The following SIRT5 variants were observed in gnomAD, a reference collection of about 807,000 sequenced individuals.
SIRT5 encodes the protein sirtuin 5.
In SIRT5, 26 loss-of-function variants were observed where a neutral mutation model predicts 40.0. The observed-to-expected ratio is 0.65, with a 90% CI of 0.48 to 0.90. SIRT5 has a LOEUF of 0.90. SIRT5 is among the 40% of genes least tolerant of loss of function. The probability of loss-of-function intolerance (pLI) is 0.00; values close to 1 mark genes in which losing one functional copy is unlikely to be tolerated. For synonymous variants in SIRT5, 146 were observed against 149.1 expected, an observed-to-expected ratio of 0.98 and a Z score of 0.15; for missense variants, 401 against 402.4, an observed-to-expected ratio of 1.00 and a Z score of 0.03.
chr6:13,601,978 T>C (rs1762452162), intron 9 of SIRT5, among the ~76,000 whole-genome samples: 1 of 152,206 alleles, frequency 6.6e-6, no homozygotes, highest in South Asian at 2.1e-4. Flanking sequence ...TGATCCATAG[T>C]TCTTCATCTG....
Position 13,611,230 on chromosome 6 carries a change from TATATATACACAC to T in SIRT5, c.858-558_858-547del, listed in dbSNP as rs1487813948. On this transcript the variant is annotated intron_variant, in intron 9 of 9. Coordinates refer to ENST00000606117, the MANE Select transcript of SIRT5 (RefSeq NM_012241.5). ...GTGTATATATATATATATATATATA[TATATATACACAC>T]ACACATACACACACACATATATATA... Among the ~76,000 whole-genome samples the T allele has an allele frequency of 3.8e-4, 50 of 131,792 alleles. No homozygotes were observed. In the South Asian group the frequency reaches 9.0e-3, roughly 24 times the overall value. 86.5% of individuals were successfully genotyped at this position (131,792 alleles called of 152,430 possible). A position where few individuals can be genotyped will look rare whatever the true frequency, so the allele number is the denominator to read the frequency against.
chr6:13,577,117 C>T (rs1007030438), intron 1 of SIRT5, among the ~76,000 whole-genome samples: 10 of 152,140 alleles, frequency 6.6e-5, no homozygotes, highest in African/African-American at 1.9e-4. Context: ...TCACTCAAGA[C>T]TGCTTTGGCT....
At chr6:13,575,616 AG>A (rs1405807706) in intron 1 of SIRT5, among the ~76,000 whole-genome samples, 4 of 152,128 alleles carry the variant, frequency 2.6e-5, no homozygotes, top group African/African-American at 9.7e-5. Context: ...TATACATTGT[AG>A]AAAGATTAAA....
At chr6:13,582,144 G>A (rs1411686494) in intron 2 of SIRT5, among the ~76,000 whole-genome samples, 1 of 152,066 alleles carries the variant, frequency 6.6e-6, no homozygotes, top group African/African-American at 2.4e-5. Flanking sequence ...TGTGTTCCTT[G>A]GACTGGAAGG....
At chr6:13,593,831 G>A (rs1761248393) in intron 5 of SIRT5, among the ~76,000 whole-genome samples, 1 of 152,178 alleles carries the variant, frequency 6.6e-6, no homozygotes, top group East Asian at 1.9e-4. Context: ...GTATGAGTAT[G>A]ATAAACTGGT....
chr6:13,610,537 G>A (rs1584883627), intron 9 of SIRT5, among the ~76,000 whole-genome samples: 1 of 152,208 alleles, frequency 6.6e-6, no homozygotes, highest in South Asian at 2.1e-4. Context: ...TCGGGGATGA[G>A]GTATCATTGT....
chr6:13,599,564 C>T (rs1328303475), intron 8 of SIRT5, among the ~76,000 whole-genome samples: 2 of 152,108 alleles, frequency 1.3e-5, no homozygotes, highest in African/African-American at 2.4e-5. Context: ...AAATAGTTAC[C>T]GTTAGCAGTT....
intron 5 of SIRT5, among the ~76,000 whole-genome samples, chr6:13,594,453 C>T (rs1158490992): frequency 2.0e-5 from 3 of 152,200 alleles, no homozygotes; most frequent in Non-Finnish European, 4.4e-5. Flanking sequence ...TTGAGGTGGC[C>T]TCCCTTCTCT....
At chr6:13,585,918 T>C (rs1760012861) in intron 3 of SIRT5, among the ~76,000 whole-genome samples, 1 of 152,226 alleles carries the variant, frequency 6.6e-6, no homozygotes, top group African/African-American at 2.4e-5. Flanking sequence ...TTTCCTGACT[T>C]TTTAATGATC....
chr6:13,594,486 C>T (rs761655443), intron 5 of SIRT5, among the ~76,000 whole-genome samples: 6 of 152,190 alleles, frequency 3.9e-5, no homozygotes, highest in Non-Finnish European at 8.8e-5. Flanking sequence ...TCTGTCTCCA[C>T]GCGCCAAGGG....
At chr6:13,595,256 C>A (rs1237283031) in intron 5 of SIRT5, among the ~76,000 whole-genome samples, 3 of 152,138 alleles carry the variant, frequency 2.0e-5, no homozygotes, top group African/African-American at 7.2e-5. Flanking sequence ...CACCTATAGT[C>A]CCAGCTGCTC....
At chr6:13,587,412 G>A (rs1194744921) in intron 3 of SIRT5, among the ~76,000 whole-genome samples, 3 of 152,300 alleles carry the variant, frequency 2.0e-5, no homozygotes, top group African/African-American at 7.2e-5. Flanking sequence ...AGTTTCTGCT[G>A]CCCAAGAGAA....
chr6:13,599,212 T>C, intron 8 of SIRT5, 57 bp downstream of exon 8: 1 of 1,551,228 alleles, frequency 6.4e-7, no homozygotes. Context: ...ATTTTTTCCT[T>C]CCCCCTCTCC....
In SIRT5 at chr6:13,607,451, A is replaced by G. The variant is rs1488451219; in HGVS notation, c.858-4339A>G. On this transcript the variant is annotated intron_variant, in intron 9 of 9. Transcript: ENST00000606117. The surrounding 1 kb of genome is among the most constrained non-coding windows in gnomAD (Gnocchi z 4.0). ...TCAGTATGTCTTTCCCAAGCATTCA[A>G]CTAGTTTTCCTAGAAATAACTCTCT... Among the ~76,000 whole-genome samples, 1 of 152,222 alleles carries G rather than the reference A, an allele frequency of 6.6e-6. No individual in the cohort carries two copies. Among genetic ancestry groups the G allele is most frequent in the Non-Finnish European group, 1.5e-5 (1 of 68,038 alleles).
chr6:13,594,547 C>T (rs1004488863), intron 5 of SIRT5, among the ~76,000 whole-genome samples: 1 of 152,258 alleles, frequency 6.6e-6, no homozygotes, highest in Non-Finnish European at 1.5e-5. Context: ...AAATAAACCT[C>T]TGGGTAGGCT....
chr6:13,591,065 C>A (rs1156355362), intron 4 of SIRT5, among the ~76,000 whole-genome samples: 2 of 145,628 alleles, frequency 1.4e-5, no homozygotes, highest in African/African-American at 2.6e-5. Context: ...GTGTGTGTGT[C>A]TAGTTGTGTG....
chr6:13,582,000 C>T (rs1408229043), intron 2 of SIRT5, among the ~76,000 whole-genome samples: 1 of 152,116 alleles, frequency 6.6e-6, no homozygotes, highest in Non-Finnish European at 1.5e-5. Context: ...AGAACAAAGC[C>T]CCACTTCCAT....
chr6:13,584,449 C>T, intron 3 of SIRT5, among the ~76,000 whole-genome samples: 1 of 152,164 alleles, frequency 6.6e-6, no homozygotes, highest in East Asian at 1.9e-4. Context: ...CTCCTGGGTT[C>T]AAGCAGTTCT....
rs1760363150 is a variant in SIRT5 at position 13,588,408 on chromosome 6, A to G, written c.193A>G (p.Ser65Gly). 4 of 1,614,246 alleles carry G rather than the reference A, an allele frequency of 2.5e-6. No homozygotes were observed. The highest frequency in any genetic ancestry group is 1.1e-5 in the South Asian group (1 of 91,090). ...IISGAGVSAE[S>G]GVPTFRGAGG... Reference sequence around the variant, plus strand: ...CTCAGGAGCTGGTGTTAGTGCAGAAAGTGGTGTTCCGACCTTCAGAGGAGC... The same window carrying G: ...CTCAGGAGCTGGTGTTAGTGCAGAAGGTGGTGTTCCGACCTTCAGAGGAGC... Residue 65 changes from serine (S) to glycine (G), a missense_variant, in exon 4 of 10, where the codon AGT (serine) becomes GGT (glycine). By Grantham distance (56) the Ser-to-Gly change is moderately conservative (BLOSUM62 0). Coordinates refer to ENST00000606117, the MANE Select transcript of SIRT5 (RefSeq NM_012241.5).
Sources: allele counts gnomAD v4.1 joint callset (sites outside exome capture counted in the v4.1 genomes callset), GRCh38; gene constraint gnomAD v4.1.1; non-coding constraint Gnocchi (gnomAD v3.1); transcripts MANE v1.5; gene names NCBI Gene and HGNC (gene_info 2026-07-23, HGNC 2026-07-21).